ACOT7: variants seen among roughly 807,000 people sequenced by gnomAD.
ACOT7 encodes the protein acyl-CoA thioesterase 7, also known as cytosolic acyl coenzyme A thioester hydrolase.
Under a neutral mutation model 40.2 loss-of-function variants are expected in ACOT7, and 12 were observed. The observed-to-expected ratio is 0.30, with a 90% CI of 0.19 to 0.48. The LOEUF (loss-of-function observed/expected upper bound fraction) is 0.48, where lower values mean the gene tolerates loss of function less well. ACOT7 is among the 20% of genes least tolerant of loss of function. The pLI, the probability that ACOT7 is intolerant of heterozygous loss-of-function variation, is 0.99. For synonymous variants in ACOT7, 228 were observed against 219.5 expected (o/e 1.04, Z -0.34); for missense variants, 395 against 530.8 (o/e 0.74, Z 2.51).
intron 6 of ACOT7, among the ~76,000 whole-genome samples, chr1:6,312,461 CTTTCTTTA>C (rs760686470): frequency 1.7e-5 from 2 of 116,566 alleles, no homozygotes; most frequent in Non-Finnish European, 3.4e-5. Context: ...CTCTCCCTTT[CTTTCTTTA>C]TTTCTTTATT....
intron 6 of ACOT7, among the ~76,000 whole-genome samples, chr1:6,300,570 G>A (rs1639940250): frequency 6.9e-6 from 1 of 144,960 alleles, no homozygotes; most frequent in Non-Finnish European, 1.5e-5. Context: ...CGATCCTGAT[G>A]CGCGGCCGGC....
intron 2 of ACOT7, among the ~76,000 whole-genome samples, chr1:6,345,225 G>A (rs3789478): frequency 0.084 from 12,735 of 152,230 alleles, 891 homozygotes; most frequent in African/African-American, 0.18. Flanking sequence ...GCACCTGCCC[G>A]GAAGTGCCCT....
At chr1:6,265,469 C>T (rs1451025692) in intron 8 of ACOT7, among the ~76,000 whole-genome samples, 2 of 152,234 alleles carry the variant, frequency 1.3e-5, no homozygotes, top group African/African-American at 4.8e-5. Context: ...GAGGCGGCAC[C>T]TTGGACCCCA....
intron 2 of ACOT7, 134 bp from the exon 3 acceptor site, chr1:6,339,723 A>G: frequency 1.1e-6 from 1 of 890,276 alleles, no homozygotes; most frequent in East Asian, 3.0e-5. Context: ...ATGTATCACC[A>G]TTTATTGGCA....
At chr1:6,332,071 C>T (rs1387576305) in intron 4 of ACOT7, among the ~76,000 whole-genome samples, 1 of 152,222 alleles carries the variant, frequency 6.6e-6, no homozygotes, top group Non-Finnish European at 1.5e-5. Flanking sequence ...ACCAAGGCTG[C>T]CGGCAGCGGC....
At position 6,282,829 on chromosome 1, in the gene ACOT7, G is replaced by T. The variant is rs76494698; in HGVS notation, c.830-1543C>A. ...GTACAGAGTCCCATGCAAAGCGCCC[G>T]CAGTCACAAGACGCACCCCGGGAGG... is the stretch of plus-strand genomic sequence containing the variant. On this transcript the variant is annotated intron_variant, in intron 7 of 8. Transcript: ENST00000361521. This position sits in a 1 kb window ranked among gnomAD's most constrained non-coding sequence, Gnocchi z 4.5. 2,430 of 1,298,658 alleles carry T rather than the reference G, an allele frequency of 1.9e-3. 39 individuals carry two copies. The African/African-American group carries it at 0.032, about 17-fold the overall frequency. 80.4% of individuals were successfully genotyped at this position (1,298,658 alleles called of 1,614,324 possible). A position where few individuals can be genotyped will look rare whatever the true frequency, so the allele number is the denominator to read the frequency against.
At chr1:6,265,906 A>C (rs1434773842) in intron 8 of ACOT7, among the ~76,000 whole-genome samples, 1 of 152,240 alleles carries the variant, frequency 6.6e-6, no homozygotes, top group Non-Finnish European at 1.5e-5. Flanking sequence ...GAGAGAGCGC[A>C]GTCAGCCAGA....
At position 6,277,783 on chromosome 1, in the gene ACOT7, C is replaced by T. The variant is rs978288027; in HGVS notation, c.1014+3319G>A. On this transcript the variant is annotated intron_variant, in intron 8 of 8. Transcript: ENST00000361521. ...CATTCCCTGCTGTCTTCTTCGTGAC[C>T]CTGGACACCATTCAACTTCCTCTAT... 2.0e-5 allele frequency among the ~76,000 whole-genome samples: 3 copies of T among 152,198 alleles called. No individual in the cohort carries two copies. In the East Asian group the frequency reaches 5.8e-4, roughly 29 times the overall value.
intron 8 of ACOT7, among the ~76,000 whole-genome samples, chr1:6,268,674 G>A (rs1206252918): frequency 3.3e-5 from 5 of 152,224 alleles, no homozygotes; most frequent in Non-Finnish European, 5.9e-5. Flanking sequence ...CCCCACGCAC[G>A]CGGCACGGCC....
chr1:6,349,914 T>C, intron 1 of ACOT7, 48 bp from the exon 2 acceptor site: 4 of 1,569,890 alleles, frequency 2.5e-6, no homozygotes, highest in Non-Finnish European at 3.5e-6. Context: ...GGATGCCATT[T>C]GTGCAACAGT....
At position 6,393,561 on chromosome 1, in the gene ACOT7, T is replaced by A. The variant is rs1046524297; in HGVS notation, c.-162A>T. Reference sequence around the variant, plus strand: ...AGGCTGCAGAGAGCTCGCGCGGGCGTACGATTCTGGCGGCGTGGGGGCCCA... The same window carrying A: ...AGGCTGCAGAGAGCTCGCGCGGGCGAACGATTCTGGCGGCGTGGGGGCCCA... On this transcript the variant is annotated 5_prime_UTR_variant, in exon 1 of 9. Coordinates refer to ENST00000361521, the MANE Select transcript of ACOT7 (RefSeq NM_007274.4). 7 of 593,052 alleles carry A rather than the reference T, an allele frequency of 1.2e-5. No individual in the cohort carries two copies. The highest frequency in any genetic ancestry group is 1.2e-4 in the African/African-American group (6 of 51,082). The allele number at this position is 593,052 out of a possible 1,614,324, so 36.7% of individuals were successfully genotyped here.
intron 4 of ACOT7, among the ~76,000 whole-genome samples, chr1:6,332,838 CA>C (rs200601036): frequency 6.8e-6 from 1 of 146,102 alleles, no homozygotes; most frequent in Non-Finnish European, 1.5e-5. Flanking sequence ...CAAAAAAAAA[CA>C]AAAAAAACAA....
At chr1:6,298,473 GAAC>G (rs1237053765) in intron 6 of ACOT7, among the ~76,000 whole-genome samples, 1 of 152,164 alleles carries the variant, frequency 6.6e-6, no homozygotes, top group Admixed American at 6.5e-5. Flanking sequence ...ATTTTCAAAT[GAAC>G]AACGGAGGCC....
chr1:6,286,953 AT>A (rs932867111), intron 7 of ACOT7, among the ~76,000 whole-genome samples: 1 of 152,128 alleles, frequency 6.6e-6, no homozygotes, highest in African/African-American at 2.4e-5. Context: ...CAAGAAGCTA[AT>A]TTTTTGTATT....
intron 1 of ACOT7, among the ~76,000 whole-genome samples, chr1:6,373,185 A>C (rs1369799463): frequency 6.6e-6 from 1 of 152,192 alleles, no homozygotes; most frequent in African/African-American, 2.4e-5. Context: ...TATGATATAG[A>C]CACACTACAT....
At chr1:6,298,664 C>T (rs1343083813) in intron 6 of ACOT7, among the ~76,000 whole-genome samples, 3 of 152,186 alleles carry the variant, frequency 2.0e-5, no homozygotes, top group Non-Finnish European at 4.4e-5. Flanking sequence ...TTGGCTCTCA[C>T]AGTTCTGCAA....
intron 1 of ACOT7, among the ~76,000 whole-genome samples, chr1:6,384,220 A>G (rs1385964844): frequency 6.6e-6 from 1 of 151,890 alleles, no homozygotes. Context: ...ACAGCTCTCT[A>G]AAAATACACA....
intron 3 of ACOT7, 31 bp downstream of exon 3, chr1:6,339,402 C>T: frequency 6.2e-7 from 1 of 1,611,698 alleles, no homozygotes. Flanking sequence ...GCCCTTACTG[C>T]TCCAGTCAAC....
At chr1:6,291,837 T>G (rs755528207) in intron 7 of ACOT7, among the ~76,000 whole-genome samples, 3 of 152,148 alleles carry the variant, frequency 2.0e-5, no homozygotes, top group Non-Finnish European at 4.4e-5. Context: ...CCACCCAGTG[T>G]CACCCAGAAC....
Sources: allele counts gnomAD v4.1 joint callset (sites outside exome capture counted in the v4.1 genomes callset), GRCh38; gene constraint gnomAD v4.1.1; non-coding constraint Gnocchi (gnomAD v3.1); transcripts MANE v1.5; gene names NCBI Gene and HGNC (gene_info 2026-07-23, HGNC 2026-07-21).